The following GRK1 variants were observed in gnomAD, a reference collection of about 807,000 sequenced individuals.
GRK1 encodes G protein-coupled receptor kinase 1.
GRK1 carries 28 observed loss-of-function variants against 41.7 expected under a neutral mutation model. The observed-to-expected ratio is 0.67, with a 90% CI of 0.50 to 0.92. The LOEUF (loss-of-function observed/expected upper bound fraction) is 0.92, where lower values mean the gene tolerates loss of function less well. Ranked by LOEUF, GRK1 falls within the 40% of genes least tolerant of loss-of-function variation. The pLI, the probability that GRK1 is intolerant of heterozygous loss-of-function variation, is 0.00. For synonymous variants in GRK1, 327 were observed against 286.7 expected, an observed-to-expected ratio of 1.14 and a Z score of -1.42; for missense variants, 703 against 671.2, an observed-to-expected ratio of 1.05 and a Z score of -0.52.
the GRK1 span, among the ~76,000 whole-genome samples, chr13:113,649,777 C>G: frequency 1.3e-5 from 2 of 152,190 alleles, no homozygotes; most frequent in East Asian, 1.9e-4. This position sits in a 1 kb window ranked among gnomAD's most constrained non-coding sequence, Gnocchi z 4.7. Context: ...CAAACTCTTA[C>G]GATGATTAAC....
the GRK1 span, chr13:113,655,082 A>C: frequency 8.5e-7 from 1 of 1,171,448 alleles, no homozygotes; most frequent in Non-Finnish European, 1.2e-6. Flanking sequence ...CAAAACAGAA[A>C]CCCCGTCCCC....
rs1261137881 is a variant in GRK1, at chr13:113,731,791, G to A, written c.1194+448G>A. ...ATCCCCTGGGGACTGGCGAGGCTGA[G>A]GCTGGGGCTCTGGGGGACACGGAGT... On this transcript the variant is annotated intron_variant, in intron 5 of 6. Coordinates refer to ENST00000335678, the MANE Select transcript of GRK1 (RefSeq NM_002929.3). The surrounding 1 kb of genome is among the most constrained non-coding windows in gnomAD (Gnocchi z 5.6). 1.3e-5 allele frequency among the ~76,000 whole-genome samples: 2 copies of A among 152,206 alleles called. No individual in the cohort carries two copies. Among genetic ancestry groups the A allele is most frequent in the Non-Finnish European group, 2.9e-5 (2 of 68,026 alleles).
chr13:113,730,993 C>T (rs2049932711), intron 4 of GRK1, among the ~76,000 whole-genome samples: 1 of 152,174 alleles, frequency 6.6e-6, no homozygotes, highest in African/African-American at 2.4e-5. Context: ...TTGGTTGTCA[C>T]AGCCTGGGGG....
intron 4 of GRK1, among the ~76,000 whole-genome samples, chr13:113,730,522 G>T (rs541469088): frequency 6.7e-6 from 1 of 148,274 alleles, no homozygotes; most frequent in South Asian, 2.2e-4. Flanking sequence ...TGAGCCCAGA[G>T]CCATCCCCCC....
chr13:113,656,435 G>T, the GRK1 span, among the ~76,000 whole-genome samples: 1 of 152,170 alleles, frequency 6.6e-6, no homozygotes, highest in Non-Finnish European at 1.5e-5. Flanking sequence ...GCTCAGCCCT[G>T]CCTCCCGGGT....
chr13:113,665,770 TCCCAGGTGTGC>T (rs147353191), upstream of GRK1, among the ~76,000 whole-genome samples: 2,895 of 147,382 alleles, frequency 0.02, 102 homozygotes, highest in African/African-American at 0.07. Context: ...ACCAGCTGTA[TCCCAGGTGTGC>T]CCCAGGTGTG....
Position 113,728,081 on chromosome 13 carries a change from G to A in GRK1, c.1070-3138G>A, listed in dbSNP as rs375911201. Among the ~76,000 whole-genome samples, 233 of 73,508 alleles carry A rather than the reference G, an allele frequency of 3.2e-3. 27 individuals are homozygous for A. Among genetic ancestry groups the A allele is most frequent in the Non-Finnish European group, 3.8e-3 (138 of 36,700 alleles). The allele number at this position is 73,508 out of a possible 152,430, so 48.2% of individuals were successfully genotyped here. On this transcript the variant is annotated intron_variant, in intron 4 of 6. Coordinates refer to ENST00000335678, the MANE Select transcript of GRK1 (RefSeq NM_002929.3). ...AGTACCCATGGCGATGAGGACCCAT[G>A]GCAATGAGGAGTACCCATGGCAATG... is the stretch of plus-strand genomic sequence containing the variant.
At position 113,731,935 on chromosome 13, in the gene GRK1, C is replaced by T. The variant is rs747210008; in HGVS notation, c.1194+592C>T. Among the ~76,000 whole-genome samples the T allele has an allele frequency of 5.9e-5, 9 of 152,206 alleles. No individual in the cohort carries two copies. The highest frequency in any genetic ancestry group is 9.6e-5 in the African/African-American group (4 of 41,460). On this transcript the variant is annotated intron_variant, in intron 5 of 6. Transcript: ENST00000335678. This position sits in a 1 kb window ranked among gnomAD's most constrained non-coding sequence, Gnocchi z 5.6. ...GGCCCAGCAGCTGCTCTGAATGTCC[C>T]GGAGTGTGGACACCTAGTGGGGCTG... is the stretch of plus-strand genomic sequence containing the variant.
chr13:113,729,008 G>A (rs2049914275), intron 4 of GRK1, among the ~76,000 whole-genome samples: 1 of 152,210 alleles, frequency 6.6e-6, no homozygotes, highest in Non-Finnish European at 1.5e-5. Context: ...CATCTTCTCT[G>A]TGAGGAGCAG....
At chr13:113,728,120 G>T (rs1365646262) in intron 4 of GRK1, among the ~76,000 whole-genome samples, 5 of 89,656 alleles carry the variant, frequency 5.6e-5, no homozygotes, top group African/African-American at 2.6e-4. Context: ...AGTACCCATG[G>T]CGATGAGGAG....
rs995286360 is a variant in GRK1 at position 113,723,093 on chromosome 13, C to A, written c.1005C>A (p.Asp335Glu). 2 of 701,308 alleles carry A rather than the reference C, an allele frequency of 2.9e-6. No individual in the cohort carries two copies. The highest frequency in any genetic ancestry group is 4.0e-5 in the Admixed American group (2 of 49,670). 43.4% of individuals were successfully genotyped at this position (701,308 alleles called of 1,614,324 possible). A position where few individuals can be genotyped will look rare whatever the true frequency, so the allele number is the denominator to read the frequency against. ...LDNDGNVRISDLGLAVELLDG... is the reference protein window; with the variant it reads ...LDNDGNVRISELGLAVELLDG... ...TCTCAGGCAATGTCCGGATCTCTGA[C>A]CTTGGGCTGGCCGTGGAGCTGCTGG... Residue 335 changes from aspartate (D) to glutamate (E), a missense_variant, in exon 4 of 7, where the codon GAC becomes GAA. By Grantham distance (45) the Asp-to-Glu change is conservative. Coordinates refer to ENST00000335678, the MANE Select transcript of GRK1 (RefSeq NM_002929.3).
chr13:113,661,101 C>T, the GRK1 span, among the ~76,000 whole-genome samples: 1 of 152,000 alleles, frequency 6.6e-6, no homozygotes, highest in African/African-American at 2.4e-5. Flanking sequence ...GTATCTTGGG[C>T]CATAAAGGAA....
chr13:113,730,378 G>A (rs536692763), intron 4 of GRK1, among the ~76,000 whole-genome samples: 21 of 146,916 alleles, frequency 1.4e-4, no homozygotes, highest in Non-Finnish European at 1.5e-4. Flanking sequence ...GACAGTCCCC[G>A]CGGCTGAGCC....
rs2049857170 is a variant in GRK1 at position 113,671,555 on chromosome 13, T to C, written c.884T>C (p.Leu295Pro). ...CCTGGCTTCCCGGAGCCGCGCGCCCTCTTCTACACGGCGCAGATCATCTGC... is the reference window on the plus strand; with the variant it reads ...CCTGGCTTCCCGGAGCCGCGCGCCCCCTTCTACACGGCGCAGATCATCTGC... ...ENPGFPEPRALFYTAQIICGL... is the reference protein window; with the variant it reads ...ENPGFPEPRAPFYTAQIICGL... Residue 295 changes from leucine (L) to proline (P), a missense_variant, in exon 3 of 7, where the codon CTC becomes CCC. Coordinates refer to ENST00000335678, the MANE Select transcript of GRK1 (RefSeq NM_002929.3). The surrounding 1 kb of genome is among the most constrained non-coding windows in gnomAD (Gnocchi z 4.1). 2 of 778,110 alleles carry C rather than the reference T, an allele frequency of 2.6e-6. No homozygotes were observed. Among genetic ancestry groups the C allele is most frequent in the African/African-American group, 3.4e-5 (2 of 59,062 alleles). The allele number at this position is 778,110 out of a possible 1,614,324, so 48.2% of individuals were successfully genotyped here. A position where few individuals can be genotyped will look rare whatever the true frequency, so the allele number is the denominator to read the frequency against.
chr13:113,655,553 G>A, the GRK1 span, among the ~76,000 whole-genome samples: 4 of 152,294 alleles, frequency 2.6e-5, no homozygotes, highest in South Asian at 2.1e-4. Flanking sequence ...CCCCTGCAGC[G>A]TCAGAACCTA....
chr13:113,650,490 G>A, the GRK1 span: 37 of 1,613,052 alleles, frequency 2.3e-5, no homozygotes, highest in Admixed American at 1.2e-4. The surrounding 1 kb of genome is among the most constrained non-coding windows in gnomAD (Gnocchi z 5.0). Flanking sequence ...GCGGCTGGCC[G>A]AGCTCGCGGG....
the GRK1 span, among the ~76,000 whole-genome samples, chr13:113,652,098 A>G: frequency 1.3e-5 from 2 of 152,302 alleles, no homozygotes; most frequent in East Asian, 3.9e-4. Context: ...CAGCTCTTCC[A>G]GAAAACTCTC....
chr13:113,649,188 A>T, the GRK1 span: 11 of 554,110 alleles, frequency 2.0e-5, no homozygotes, highest in South Asian at 5.3e-5. The surrounding 1 kb of genome is among the most constrained non-coding windows in gnomAD (Gnocchi z 4.7). Flanking sequence ...AACAAGGAAG[A>T]ACTGATACTC....
the GRK1 span, among the ~76,000 whole-genome samples, chr13:113,651,170 G>A: frequency 6.6e-6 from 1 of 152,060 alleles, no homozygotes; most frequent in African/African-American, 2.4e-5. Flanking sequence ...CATGGTGGAA[G>A]CAAATCTTAG....
Sources: allele counts gnomAD v4.1 joint callset (sites outside exome capture counted in the v4.1 genomes callset), GRCh38; gene constraint gnomAD v4.1.1; non-coding constraint Gnocchi (gnomAD v3.1); transcripts MANE v1.5; gene names NCBI Gene and HGNC (gene_info 2026-07-23, HGNC 2026-07-21).